Variants in NELL1 observed in about 807,000 individuals in gnomAD.
NELL1 encodes neural EGFL like 1, also known as protein kinase C-binding protein NELL1.
A neutral mutation model predicts 107.4 loss-of-function variants in NELL1; 76 were observed. The ratio of observed to expected loss-of-function variants is 0.71; its 90% CI spans 0.59 to 0.86. NELL1 has a LOEUF of 0.86. NELL1 is among the 40% of genes least tolerant of loss of function. The pLI is 0.00. For missense variants in NELL1, 1,024 were observed against 1,005.5 expected, an observed-to-expected ratio of 1.02 and a Z score of -0.25; for synonymous variants, 353 against 341.2, an observed-to-expected ratio of 1.03 and a Z score of -0.38.
In NELL1 at chr11:20,938,908, G is replaced by GTCTCTCTCTCTC. The variant is rs71443766; in HGVS notation, c.1071+1071_1071+1082dup. ...CATTGAAGCTCTCTCTTCTCTCTCT[G>GTCTCTCTCTCTC]TCTCTCTCTCTCTCTCTCTCTCTCT... On this transcript the variant is annotated intron_variant, in intron 10 of 19. Transcript: ENST00000357134. Among the ~76,000 whole-genome samples the GTCTCTCTCTCTC allele has an allele frequency of 6.1e-3, 886 of 144,576 alleles. 20 individuals are homozygous for GTCTCTCTCTCTC. Among genetic ancestry groups the GTCTCTCTCTCTC allele is most frequent in the African/African-American group, 0.02 (763 of 37,852 alleles). The allele number at this position is 144,576 out of a possible 152,430, so 94.8% of individuals were successfully genotyped here.
intron 15 of NELL1, among the ~76,000 whole-genome samples, chr11:21,447,468 A>G (rs1853461930): frequency 1.3e-5 from 2 of 152,170 alleles, no homozygotes; most frequent in African/African-American, 2.4e-5. Context: ...ATTCAGGGCC[A>G]TGGGCTCTTA....
intron 12 of NELL1, among the ~76,000 whole-genome samples, chr11:21,032,875 C>T (rs542907585): frequency 1.3e-5 from 2 of 152,192 alleles, no homozygotes; most frequent in South Asian, 4.1e-4. Flanking sequence ...AATCTTTCTT[C>T]CTGGCTTGCT....
intron 3 of NELL1, among the ~76,000 whole-genome samples, chr11:20,786,881 G>C (rs1028435686): frequency 6.6e-6 from 1 of 151,592 alleles, no homozygotes; most frequent in Non-Finnish European, 1.5e-5. Flanking sequence ...GGTGGCGGGC[G>C]CCTGTAGTCC....
chr11:21,392,192 T>TG (rs1221319170), intron 15 of NELL1, among the ~76,000 whole-genome samples: 1 of 151,786 alleles, frequency 6.6e-6, no homozygotes, highest in African/African-American at 2.4e-5. Context: ...TAGTGTTTGC[T>TG]GGGGCAAAAG....
At chr11:21,519,981 T>C (rs1255069146) in intron 15 of NELL1, among the ~76,000 whole-genome samples, 2 of 152,218 alleles carry the variant, frequency 1.3e-5, no homozygotes, top group East Asian at 3.9e-4. Context: ...TAAATACCCA[T>C]ATCAATCGCT....
Position 21,022,233 on chromosome 11 carries a change from C to T in NELL1, c.1300+61673C>T, listed in dbSNP as rs1462691279. ...CTGGACCATGTGGCAGGTTCTTTGGCGTTACCTTTAAAGGACCATAGGTAC... is the reference window on the plus strand; with the variant it reads ...CTGGACCATGTGGCAGGTTCTTTGGTGTTACCTTTAAAGGACCATAGGTAC... On this transcript the variant is annotated intron_variant, in intron 12 of 19. Transcript: ENST00000357134. 3.9e-5 allele frequency among the ~76,000 whole-genome samples: 6 copies of T among 152,136 alleles called. No individual in the cohort carries two copies. In the South Asian group the frequency reaches 6.2e-4, roughly 16 times the overall value.
intron 12 of NELL1, among the ~76,000 whole-genome samples, chr11:21,082,913 A>G (rs1262405807): frequency 3.3e-5 from 5 of 152,126 alleles, no homozygotes; most frequent in African/African-American, 1.2e-4. Context: ...ACTATTTGCT[A>G]CTCTTTATTT....
At chr11:21,502,396 A>AT (rs1855165182) in intron 15 of NELL1, among the ~76,000 whole-genome samples, 1 of 152,162 alleles carries the variant, frequency 6.6e-6, no homozygotes, top group Non-Finnish European at 1.5e-5. Context: ...GAAAGTAAAA[A>AT]TTTGTTTTAC....
intron 12 of NELL1, among the ~76,000 whole-genome samples, chr11:21,076,259 T>C (rs1854133695): frequency 6.6e-6 from 1 of 152,212 alleles, no homozygotes; most frequent in Non-Finnish European, 1.5e-5. Flanking sequence ...GATACCACAT[T>C]CTAGGTGGAT....
chr11:20,749,890 A>G (rs954315242), intron 2 of NELL1, among the ~76,000 whole-genome samples: 23 of 152,244 alleles, frequency 1.5e-4, no homozygotes, highest in Admixed American at 5.9e-4. Flanking sequence ...CATGTTGCAT[A>G]TATCAGTGGC....
intron 12 of NELL1, among the ~76,000 whole-genome samples, chr11:20,971,092 A>T (rs1851491310): frequency 6.6e-6 from 1 of 152,032 alleles, no homozygotes; most frequent in Non-Finnish European, 1.5e-5. Flanking sequence ...CCCTCTGATA[A>T]CTCAGATACC....
At chr11:21,344,229 C>T in intron 14 of NELL1, among the ~76,000 whole-genome samples, 1 of 152,114 alleles carries the variant, frequency 6.6e-6, no homozygotes, top group East Asian at 1.9e-4. Flanking sequence ...TAACTAAGTA[C>T]AGTAATAGAA....
chr11:21,070,495 A>G (rs1054106972), intron 12 of NELL1, among the ~76,000 whole-genome samples: 7 of 152,120 alleles, frequency 4.6e-5, no homozygotes, highest in African/African-American at 1.7e-4. Context: ...ATAGCAGTAA[A>G]TCTTATTGCT....
At chr11:21,279,129 T>C (rs1848936071) in intron 14 of NELL1, among the ~76,000 whole-genome samples, 1 of 151,808 alleles carries the variant, frequency 6.6e-6, no homozygotes, top group Non-Finnish European at 1.5e-5. Context: ...TAAAAATAAA[T>C]CAAAATGGAT....
intron 2 of NELL1, among the ~76,000 whole-genome samples, chr11:20,691,480 G>GT (rs1854464280): frequency 6.6e-6 from 1 of 152,016 alleles, no homozygotes; most frequent in African/African-American, 2.4e-5. Flanking sequence ...TTTATTGAGC[G>GT]TTTTTAGCAT....
At chr11:20,737,356 C>A (rs945087385) in intron 2 of NELL1, among the ~76,000 whole-genome samples, 2 of 151,888 alleles carry the variant, frequency 1.3e-5, no homozygotes, top group East Asian at 3.9e-4. Flanking sequence ...AAAAAAGGGC[C>A]AAGAGGTAAA....
chr11:20,849,871 C>A (rs143339899), intron 4 of NELL1, among the ~76,000 whole-genome samples: 2 of 152,262 alleles, frequency 1.3e-5, no homozygotes, highest in East Asian at 3.9e-4. Flanking sequence ...AAATGGATAA[C>A]CAGGCTTTGC....
At chr11:21,174,747 A>G (rs1449075377) in intron 13 of NELL1, among the ~76,000 whole-genome samples, 3 of 151,750 alleles carry the variant, frequency 2.0e-5, no homozygotes, top group Non-Finnish European at 4.4e-5. Context: ...TTCCCTGGGA[A>G]TGCTCAGATT....
chr11:20,747,805 A>C (rs1462768436), intron 2 of NELL1, among the ~76,000 whole-genome samples: 3 of 152,138 alleles, frequency 2.0e-5, no homozygotes, highest in Non-Finnish European at 4.4e-5. Context: ...TGAGTTTGTA[A>C]GTTTTAGGCC....
Sources: allele counts gnomAD v4.1 joint callset (sites outside exome capture counted in the v4.1 genomes callset), GRCh38; gene constraint gnomAD v4.1.1; transcripts MANE v1.5; gene names NCBI Gene and HGNC (gene_info 2026-07-23, HGNC 2026-07-21).